PTPRT: variants seen among roughly 807,000 people sequenced by gnomAD.
The protein encoded by PTPRT is receptor-type tyrosine-protein phosphatase T.
PTPRT carries 56 observed loss-of-function variants against 176.8 expected under a neutral mutation model. The observed-to-expected ratio is 0.32, with a 90% CI of 0.26 to 0.40. PTPRT has a LOEUF of 0.40. Ranked by LOEUF, PTPRT falls within the 10% of genes least tolerant of loss-of-function variation. The probability of loss-of-function intolerance (pLI) is 1.00; values close to 1 mark genes in which losing one functional copy is unlikely to be tolerated. For missense variants in PTPRT, 1,540 were observed against 1,908.2 expected (o/e 0.81, Z 3.60); for synonymous variants, 783 against 739.0 (o/e 1.06, Z -0.96).
Position 42,705,130 on chromosome 20 carries a change from G to A in PTPRT, c.860-26971C>T, listed in dbSNP as rs137963434. ...TGAGGCAGGAGAATCACTTTAACCC[G>A]GGAGGCAGAGGTTGCCCTGAGCCAA... On this transcript the variant is annotated intron_variant, in intron 6 of 30. Transcript: ENST00000373187. 3.9e-3 allele frequency among the ~76,000 whole-genome samples: 596 copies of A among 152,204 alleles called. 3 individuals are homozygous for A. The highest frequency in any genetic ancestry group is 6.1e-3 in the Non-Finnish European group (418 of 68,014).
chr20:42,722,580 G>A (rs1352090427), intron 6 of PTPRT, among the ~76,000 whole-genome samples: 1 of 152,082 alleles, frequency 6.6e-6, no homozygotes, highest in Non-Finnish European at 1.5e-5. Flanking sequence ...TCCTTTCTGA[G>A]AGTCTCAGAG....
At chr20:42,634,039 T>TAATAATTATATTATAATATATTATAGATA (rs2074521604) in intron 7 of PTPRT, among the ~76,000 whole-genome samples, 1 of 29,868 alleles carries the variant, frequency 3.3e-5, no homozygotes, top group African/African-American at 1.8e-4. Context: ...ATATTATATA[T>TAATAATTATATTATAATATATTATAGATA]ATTATATATA....
intron 3 of PTPRT, among the ~76,000 whole-genome samples, chr20:42,781,031 C>T (rs2077207492): frequency 6.6e-6 from 1 of 152,118 alleles, no homozygotes; most frequent in African/African-American, 2.4e-5. Flanking sequence ...CATTTTTCAC[C>T]TTCTGGAAAT....
intron 9 of PTPRT, among the ~76,000 whole-genome samples, chr20:42,399,489 T>C (rs2058884637): frequency 2.0e-5 from 3 of 152,098 alleles, no homozygotes; most frequent in Admixed American, 6.5e-5. Context: ...AGCACCAGAA[T>C]CACCTGGGAT....
chr20:43,035,592 G>C (rs952620921), intron 1 of PTPRT, among the ~76,000 whole-genome samples: 1 of 152,152 alleles, frequency 6.6e-6, no homozygotes, highest in African/African-American at 2.4e-5. Flanking sequence ...CAACACTGTG[G>C]GTATTTCATA....
chr20:42,514,463 T>C (rs1162035603), intron 7 of PTPRT, among the ~76,000 whole-genome samples: 1 of 152,232 alleles, frequency 6.6e-6, no homozygotes. Flanking sequence ...TTTTTAAAAT[T>C]GATTCACTGA....
intron 1 of PTPRT, among the ~76,000 whole-genome samples, chr20:42,938,465 G>T (rs760267120): frequency 1.3e-5 from 2 of 151,860 alleles, no homozygotes; most frequent in Non-Finnish European, 2.9e-5. Context: ...TTTTTTTCAG[G>T]CCCAATCATA....
intron 7 of PTPRT, among the ~76,000 whole-genome samples, chr20:42,481,773 CACAA>C (rs1330220739): frequency 2.4e-5 from 3 of 123,704 alleles, no homozygotes; most frequent in South Asian, 2.7e-4. Context: ...ACCATACACA[CACAA>C]ACACACACAC....
intron 7 of PTPRT, among the ~76,000 whole-genome samples, chr20:42,496,380 T>C (rs746258879): frequency 7.9e-5 from 12 of 152,320 alleles, no homozygotes; most frequent in Non-Finnish European, 1.3e-4. Context: ...TTAGTTTCAG[T>C]GCCTGTTTCA....
intron 12 of PTPRT, among the ~76,000 whole-genome samples, chr20:42,283,586 T>TG (rs1291631533): frequency 6.6e-6 from 1 of 151,932 alleles, no homozygotes; most frequent in Non-Finnish European, 1.5e-5. Context: ...GGGGTGAGAT[T>TG]GGGGGTGATT....
chr20:42,918,665 AT>A (rs1236338782), intron 1 of PTPRT, among the ~76,000 whole-genome samples: 5 of 152,174 alleles, frequency 3.3e-5, no homozygotes, highest in African/African-American at 9.6e-5. Flanking sequence ...AAACTTGCAC[AT>A]TTTTTTGACA....
At chr20:43,161,145 G>C (rs557636593) in intron 1 of PTPRT, among the ~76,000 whole-genome samples, 56 of 152,154 alleles carry the variant, frequency 3.7e-4, no homozygotes, top group Non-Finnish European at 5.6e-4. Context: ...TGTAAATAAA[G>C]TTTTCCTGGA....
chr20:42,733,173 T>C (rs2076488491), intron 6 of PTPRT, among the ~76,000 whole-genome samples: 1 of 152,184 alleles, frequency 6.6e-6, no homozygotes, highest in Admixed American at 6.5e-5. Flanking sequence ...GCCCTGCAGA[T>C]GACGTGTACA....
intron 14 of PTPRT, among the ~76,000 whole-genome samples, chr20:42,238,439 G>A (rs868270386): frequency 1.3e-5 from 2 of 152,140 alleles, no homozygotes; most frequent in South Asian, 4.2e-4. Flanking sequence ...GCAATGAGTG[G>A]GAATTGGAAG....
chr20:42,200,841 TCAAA>T (rs1311924314), intron 15 of PTPRT, among the ~76,000 whole-genome samples: 4 of 152,194 alleles, frequency 2.6e-5, no homozygotes, highest in African/African-American at 4.8e-5. Flanking sequence ...ACAGTAGGCT[TCAAA>T]TTCAATTTTG....
chr20:42,061,501 T>A, the PTPRT span, among the ~76,000 whole-genome samples: 1 of 152,244 alleles, frequency 6.6e-6, no homozygotes. Flanking sequence ...ATCCTGTTAC[T>A]GGAGTCTTGC....
At chr20:42,923,852 TTTTC>T in intron 1 of PTPRT, among the ~76,000 whole-genome samples, 1 of 152,066 alleles carries the variant, frequency 6.6e-6, no homozygotes, top group African/African-American at 2.4e-5. Flanking sequence ...TTTCTTTTTT[TTTTC>T]CTTAAGACAG....
intron 9 of PTPRT, among the ~76,000 whole-genome samples, chr20:42,370,833 C>T (rs543685386): frequency 6.6e-6 from 1 of 152,278 alleles, no homozygotes; most frequent in East Asian, 1.9e-4. Context: ...GCCCTGGTTG[C>T]TGTTACTCCC....
In PTPRT at chr20:42,599,814, T is replaced by A. The variant is rs188637114; in HGVS notation, c.1153+78052A>T. ...GGATCTTAATCAAATGCCACCAAGC[T>A]ACCATTGCAAGACAGCCTTCCACAA... On this transcript the variant is annotated intron_variant, in intron 7 of 30. Transcript: ENST00000373187. 7.2e-5 allele frequency among the ~76,000 whole-genome samples: 11 copies of A among 152,288 alleles called. No individual in the cohort carries two copies. In the East Asian group the frequency reaches 2.1e-3, roughly 29 times the overall value.
Sources: allele counts gnomAD v4.1 joint callset (sites outside exome capture counted in the v4.1 genomes callset), GRCh38; gene constraint gnomAD v4.1.1; transcripts MANE v1.5; gene names NCBI Gene and HGNC (gene_info 2026-07-23, HGNC 2026-07-21).